The following EPHA5 variants were observed in gnomAD, a reference collection of about 807,000 sequenced individuals.
EPHA5 encodes EPH receptor A5.
EPHA5 carries 60 observed loss-of-function variants against 105.0 expected under a neutral mutation model. The observed-to-expected ratio is 0.57, with a 90% CI of 0.46 to 0.71. The LOEUF is 0.71. Ranked by LOEUF, EPHA5 falls within the 30% of genes least tolerant of loss-of-function variation. The pLI, the probability that EPHA5 is intolerant of heterozygous loss-of-function variation, is 0.00. For missense variants in EPHA5, 1,218 were observed against 1,274.7 expected, an observed-to-expected ratio of 0.96 and a Z score of 0.68; for synonymous variants, 513 against 449.1, an observed-to-expected ratio of 1.14 and a Z score of -1.80.
At chr4:65,559,170 T>A (rs1738762474) in intron 3 of EPHA5, among the ~76,000 whole-genome samples, 2 of 152,150 alleles carry the variant, frequency 1.3e-5, no homozygotes, top group Admixed American at 1.3e-4. Context: ...GTGGTAAATT[T>A]CCCTATTTAG....
intron 5 of EPHA5, among the ~76,000 whole-genome samples, chr4:65,488,714 A>G (rs1731113798): frequency 1.3e-5 from 2 of 152,164 alleles, no homozygotes; most frequent in South Asian, 4.1e-4. Context: ...ATATTTTCTA[A>G]TAGGAAAAAA....
intron 5 of EPHA5, among the ~76,000 whole-genome samples, chr4:65,437,749 C>T (rs1725617549): frequency 6.6e-6 from 1 of 151,842 alleles, no homozygotes; most frequent in Admixed American, 6.6e-5. Context: ...ACCAGTGCCT[C>T]AATATAGTCA....
intron 3 of EPHA5, among the ~76,000 whole-genome samples, chr4:65,502,481 G>T (rs1363649032): frequency 4.3e-4 from 64 of 150,126 alleles, no homozygotes; most frequent in Admixed American, 4.3e-3. Flanking sequence ...AAAAGATACA[G>T]TCAACAAACA....
chr4:65,651,963 G>C (rs1578694120), intron 1 of EPHA5, among the ~76,000 whole-genome samples: 1 of 152,118 alleles, frequency 6.6e-6, no homozygotes, highest in African/African-American at 2.4e-5. Flanking sequence ...TATATTCACA[G>C]AACATATTGC....
At chr4:65,426,275 C>G (rs185611536) in intron 5 of EPHA5, among the ~76,000 whole-genome samples, 2 of 152,086 alleles carry the variant, frequency 1.3e-5, no homozygotes, top group Admixed American at 1.3e-4. Context: ...TTCTTGAGCA[C>G]TCTAAATTTG....
rs537756790 is a variant in EPHA5 at position 65,367,091 on chromosome 4, C to G, written c.1861+266G>C. Among the ~76,000 whole-genome samples, 3 of 151,406 alleles carry G rather than the reference C, an allele frequency of 2.0e-5. No individual in the cohort carries two copies. In the East Asian group the frequency reaches 5.8e-4, roughly 29 times the overall value. On this transcript the variant is annotated intron_variant, in intron 9 of 16. Coordinates refer to ENST00000613740, the MANE Select transcript of EPHA5 (RefSeq NM_001281766.3). Reference sequence around the variant, plus strand: ...AAATTTTATTTGAAATATAATAGTTCTTTATATTAAGCAAAAAGTTTTTAT... The same window carrying G: ...AAATTTTATTTGAAATATAATAGTTGTTTATATTAAGCAAAAAGTTTTTAT...
intron 14 of EPHA5, among the ~76,000 whole-genome samples, chr4:65,338,659 G>A (rs1009088294): frequency 1.1e-4 from 17 of 151,980 alleles, no homozygotes; most frequent in African/African-American, 3.9e-4. Context: ...CTGGGTCCAG[G>A]TAATTAGGTC....
chr4:65,517,663 C>T (rs1359150907), intron 3 of EPHA5, among the ~76,000 whole-genome samples: 1 of 151,720 alleles, frequency 6.6e-6, no homozygotes, highest in African/African-American at 2.4e-5. Flanking sequence ...TCTTGTCTTC[C>T]TAGCTCTTCT....
chr4:65,463,172 T>G (rs1316940308), intron 5 of EPHA5, among the ~76,000 whole-genome samples: 1 of 152,176 alleles, frequency 6.6e-6, no homozygotes, highest in Non-Finnish European at 1.5e-5. Context: ...TTACAATATA[T>G]GTGTTCCTGT....
intron 7 of EPHA5, among the ~76,000 whole-genome samples, chr4:65,413,253 C>T (rs573900069): frequency 4.7e-4 from 72 of 152,028 alleles, no homozygotes; most frequent in African/African-American, 1.7e-3. Flanking sequence ...TTTTCCTTTG[C>T]GTAGAAAACA....
intron 3 of EPHA5, among the ~76,000 whole-genome samples, chr4:65,513,492 C>A (rs1373384562): frequency 6.6e-6 from 1 of 151,902 alleles, no homozygotes; most frequent in African/African-American, 2.4e-5. Context: ...GTTCAAGCAA[C>A]TCTCCTGCCT....
chr4:65,387,480 T>C (rs1720220623), intron 8 of EPHA5, among the ~76,000 whole-genome samples: 1 of 151,990 alleles, frequency 6.6e-6, no homozygotes, highest in Non-Finnish European at 1.5e-5. Context: ...CATCTACTTA[T>C]ATTTAAAAGT....
chr4:65,381,130 CTT>C (rs1176286062), intron 8 of EPHA5, among the ~76,000 whole-genome samples: 1 of 151,510 alleles, frequency 6.6e-6, no homozygotes, highest in Admixed American at 6.6e-5. Flanking sequence ...TTAAGACAGT[CTT>C]AGGGCAAAGA....
chr4:65,444,197 G>T (rs1158081495), intron 5 of EPHA5, among the ~76,000 whole-genome samples: 2 of 152,078 alleles, frequency 1.3e-5, no homozygotes, highest in Non-Finnish European at 2.9e-5. Flanking sequence ...CCACTTTCTA[G>T]CTGAGTAATT....
At chr4:65,616,269 A>G (rs1006834766) in intron 2 of EPHA5, among the ~76,000 whole-genome samples, 2 of 151,942 alleles carry the variant, frequency 1.3e-5, no homozygotes, top group Admixed American at 1.3e-4. Context: ...AGTTACCAAA[A>G]GTTAGATCTG....
chr4:65,569,585 T>G (rs1739908298), intron 3 of EPHA5, among the ~76,000 whole-genome samples: 1 of 151,738 alleles, frequency 6.6e-6, no homozygotes, highest in Admixed American at 6.6e-5. Flanking sequence ...GAAGATGATT[T>G]TGCTTATTAA....
chr4:65,401,510 C>T (rs1721819743), intron 8 of EPHA5, among the ~76,000 whole-genome samples: 2 of 152,012 alleles, frequency 1.3e-5, no homozygotes. Flanking sequence ...ATACATCCAA[C>T]AAATAAAGTA....
chr4:65,617,601 G>T (rs952777545), intron 2 of EPHA5, among the ~76,000 whole-genome samples: 1 of 151,976 alleles, frequency 6.6e-6, no homozygotes, highest in African/African-American at 2.4e-5. Context: ...AGAACACTTG[G>T]CATGTCAACT....
In EPHA5 at chr4:65,539,423, G is replaced by T. The variant is rs574519841; in HGVS notation, c.911-43880C>A. On this transcript the variant is annotated intron_variant, in intron 3 of 16. Coordinates refer to ENST00000613740, the MANE Select transcript of EPHA5 (RefSeq NM_001281766.3). ...AGCATAAACAAGAAAGAATGTCTAG[G>T]TGTGACAAAATGATCCTTCTTTAAT... Among the ~76,000 whole-genome samples, 3 of 151,750 alleles carry T rather than the reference G, an allele frequency of 2.0e-5. No homozygotes were observed. In the South Asian group the frequency reaches 6.2e-4, roughly 31 times the overall value.
Sources: allele counts gnomAD v4.1 joint callset (sites outside exome capture counted in the v4.1 genomes callset), GRCh38; gene constraint gnomAD v4.1.1; transcripts MANE v1.5; gene names NCBI Gene and HGNC (gene_info 2026-07-23, HGNC 2026-07-21).